IRF9: variants seen among roughly 807,000 people sequenced by gnomAD.
The protein encoded by IRF9 is interferon regulatory factor 9.
A neutral mutation model predicts 44.1 loss-of-function variants in IRF9; 13 were observed. The ratio of observed to expected loss-of-function variants is 0.29; its 90% CI spans 0.19 to 0.47. The LOEUF is 0.47. IRF9 is among the 20% of genes least tolerant of loss of function. The pLI is 1.00. For synonymous variants in IRF9, 189 were observed against 188.5 expected, an observed-to-expected ratio of 1.00 and a Z score of -0.02; for missense variants, 373 against 496.1, an observed-to-expected ratio of 0.75 and a Z score of 2.36.
chr14:24,164,697 G>C lies in IRF9; in HGVS notation c.733G>C (p.Ala245Pro). The C allele has an allele frequency of 1.2e-6, 2 of 1,613,552 alleles. No homozygotes were observed. The highest frequency in any genetic ancestry group is 1.7e-6 in the Non-Finnish European group (2 of 1,179,804). ...GCAAAGCCTGGATTGCCGCCTTGTG[G>C]CTGAGCCCTCAGGCTCTGAGAGCAG... ...QVQSLDCRLV[A>P]EPSGSESSME... Residue 245 changes from alanine to proline, a missense_variant, in exon 7 of 9, where the codon GCT becomes CCT. Coordinates refer to ENST00000396864, the MANE Select transcript of IRF9 (RefSeq NM_006084.5). This position sits in a 1 kb window ranked among gnomAD's most constrained non-coding sequence, Gnocchi z 5.2.
intron 4 of IRF9, 110 bp downstream of exon 4, chr14:24,163,618 C>T (rs1037605698): frequency 2.3e-5 from 30 of 1,325,710 alleles, no homozygotes; most frequent in African/African-American, 2.2e-4. Flanking sequence ...TGGCAGATCA[C>T]GTGAGGTCAG....
rs2038515031 is a variant in IRF9, at chr14:24,165,835, T to G, written c.992-12T>G. ...TTTTTGTTCTTCGAACCCTTGACCC[T>G]TTCTCTTTCAGACTTGGTCAGGTAC... On this transcript the variant is annotated splice_polypyrimidine_tract_variant and intron_variant, in intron 7 of 8. Coordinates refer to ENST00000396864, the MANE Select transcript of IRF9 (RefSeq NM_006084.5). 2 of 1,597,992 alleles carry G rather than the reference T, an allele frequency of 1.3e-6. No homozygotes were observed. The highest frequency in any genetic ancestry group is 2.7e-5 in the African/African-American group (2 of 74,612).
chr14:24,165,825 C>A (rs758520615), intron 7 of IRF9, 22 bp from the exon 8 acceptor site: 21 of 1,568,122 alleles, frequency 1.3e-5, no homozygotes, highest in Non-Finnish European at 1.8e-5. Context: ...GTTCTTCGAA[C>A]CCTTGACCCT....
rs566718395 is a variant in IRF9, at chr14:24,166,464, C to T, written c.*268C>T. 1.9e-6 allele frequency: 1 copy of T among 522,958 alleles called. No individual in the cohort carries two copies. Among genetic ancestry groups the T allele is most frequent in the South Asian group, 3.0e-5 (1 of 33,482 alleles). 32.4% of individuals were successfully genotyped at this position (522,958 alleles called of 1,614,324 possible). ...TCCAAATGGTGTGAACCCAGGGGGC[C>T]TTTCCCTCTTCCCTGACCTCCCAAC... On this transcript the variant is annotated 3_prime_UTR_variant, in exon 9 of 9. Coordinates refer to ENST00000396864, the MANE Select transcript of IRF9 (RefSeq NM_006084.5).
chr14:24,162,027 AGATG>A, intron 1 of IRF9, 113 bp from the exon 2 acceptor site: 1 of 932,124 alleles, frequency 1.1e-6, no homozygotes, highest in Non-Finnish European at 1.7e-6. Flanking sequence ...AGCTAAAAGA[AGATG>A]GATGGGATCT....
chr14:24,166,476 C>T lies in IRF9; in HGVS notation c.*280C>T. The stretch of plus-strand genomic sequence containing the variant: ...GAACCCAGGGGGCCTTTCCCTCTTC[C>T]CTGACCTCCCAACTCTAAAGCCAAG... On this transcript the variant is annotated 3_prime_UTR_variant, in exon 9 of 9. Coordinates refer to ENST00000396864, the MANE Select transcript of IRF9 (RefSeq NM_006084.5). The T allele has an allele frequency of 1.9e-6, 1 of 513,102 alleles. No individual in the cohort carries two copies. 31.8% of individuals were successfully genotyped at this position (513,102 alleles called of 1,614,324 possible). A position where few individuals can be genotyped will look rare whatever the true frequency, so the allele number is the denominator to read the frequency against.
chr14:24,163,215 G>A (rs2038481900), intron 3 of IRF9, 66 bp downstream of exon 3: 20 of 1,576,776 alleles, frequency 1.3e-5, no homozygotes, highest in Non-Finnish European at 1.7e-5. Flanking sequence ...AGATGTGCAG[G>A]CTTCCCCCAG....
At chr14:24,161,725 C>T (rs2038459031) in intron 1 of IRF9, among the ~76,000 whole-genome samples, 4 of 152,080 alleles carry the variant, frequency 2.6e-5, no homozygotes, top group Admixed American at 2.0e-4. Flanking sequence ...GGCTGTGGGG[C>T]GGTGGGTGAA....
At chr14:24,165,234 A>G (rs767909379) in intron 7 of IRF9, 2 of 701,812 alleles carry the variant, frequency 2.8e-6, no homozygotes, top group Non-Finnish European at 5.2e-6. Context: ...ATCACACTGA[A>G]GCATGCAGTC....
Position 24,166,205 on chromosome 14 carries a change from G to T in IRF9, c.*9G>T, listed in dbSNP as rs1311338916. 1.2e-6 allele frequency: 2 copies of T among 1,612,722 alleles called. No individual in the cohort carries two copies. The highest frequency in any genetic ancestry group is 2.7e-5 in the African/African-American group (2 of 74,890). ...TTCTGTCCCTGGTGTAGAGCCTGGG[G>T]GACCCATCTTCCACCTCACCTCTTT... On this transcript the variant is annotated 3_prime_UTR_variant, in exon 9 of 9. Coordinates refer to ENST00000396864, the MANE Select transcript of IRF9 (RefSeq NM_006084.5).
intron 7 of IRF9, chr14:24,165,326 C>T: frequency 1.5e-6 from 1 of 649,308 alleles, no homozygotes; most frequent in Non-Finnish European, 2.8e-6. Flanking sequence ...TTTGGGAGAG[C>T]TGGCACACAT....
chr14:24,163,839 A>G (rs1335446191), intron 4 of IRF9, 39 bp from the exon 5 acceptor site: 1 of 1,569,114 alleles, frequency 6.4e-7, no homozygotes, highest in Non-Finnish European at 8.6e-7. Flanking sequence ...CTCTGTCTCA[A>G]AAAAAGAGAA....
chr14:24,162,428 G>C lies in IRF9; in HGVS notation c.180+104G>C, dbSNP rs972879520. ...GCGTCTGCCTGGGTTTCAGATAAGG[G>C]ACAGATTGGAGAGGAAAACTAGCTG... On this transcript the variant is annotated intron_variant, in intron 2 of 8. Transcript: ENST00000396864. 6 of 1,143,628 alleles carry C rather than the reference G, an allele frequency of 5.2e-6. No individual in the cohort carries two copies. The South Asian group carries it at 7.5e-5, about 14-fold the overall frequency. The allele number at this position is 1,143,628 out of a possible 1,614,324, so 70.8% of individuals were successfully genotyped here. A position where few individuals can be genotyped will look rare whatever the true frequency, so the allele number is the denominator to read the frequency against.
Position 24,164,894 on chromosome 14 carries a change from C to T in IRF9, c.930C>T (p.Gly310=). ...CACCCCAGGCTCCACCTGGGCCAGG[C>T]CCGCATCTGCTGCCCAGCAACGAGT... ...WNAPQAPPGP[G]PHLLPSNECV... Residue 310 remains glycine (G), a synonymous_variant, in exon 7 of 9, where the codon GGC becomes GGT. Coordinates refer to ENST00000396864, the MANE Select transcript of IRF9 (RefSeq NM_006084.5). The surrounding 1 kb of genome is among the most constrained non-coding windows in gnomAD (Gnocchi z 5.2). 3 of 1,612,566 alleles carry T rather than the reference C, an allele frequency of 1.9e-6. No individual in the cohort carries two copies. The highest frequency in any genetic ancestry group is 2.5e-6 in the Non-Finnish European group (3 of 1,179,944).
At chr14:24,165,534 A>G in intron 7 of IRF9, 1 of 524,106 alleles carries the variant, frequency 1.9e-6, no homozygotes, top group Non-Finnish European at 3.4e-6. Context: ...GTGAGCAAGT[A>G]GCAAAGGTCT....
chr14:24,163,643 C>A, intron 4 of IRF9, 135 bp downstream of exon 4: 1 of 1,056,502 alleles, frequency 9.5e-7, no homozygotes, highest in Non-Finnish European at 1.4e-6. Context: ...TCGAAACCAG[C>A]CTCGACCAAC....
rs919530091 is a variant in IRF9, at chr14:24,162,405, G to A, written c.180+81G>A. ...GGTACACTCATCCTCGAGCACTTGC[G>A]TCTGCCTGGGTTTCAGATAAGGGAC... is the stretch of plus-strand genomic sequence containing the variant. On this transcript the variant is annotated intron_variant, in intron 2 of 8. Transcript: ENST00000396864. 2.5e-5 allele frequency: 34 copies of A among 1,363,482 alleles called. No individual in the cohort carries two copies. In the East Asian group the frequency reaches 6.6e-4, roughly 26 times the overall value. The allele number at this position is 1,363,482 out of a possible 1,614,324, so 84.5% of individuals were successfully genotyped here.
At chr14:24,163,667 G>A (rs956093140) in intron 4 of IRF9, 159 bp downstream of exon 4, 5 of 925,776 alleles carry the variant, frequency 5.4e-6, no homozygotes, top group East Asian at 2.6e-5. Context: ...GTGAGAACCC[G>A]TCTCTACTAA....
At position 24,166,391 on chromosome 14, in the gene IRF9, T is replaced by A; in HGVS notation, c.*195T>A. 1.6e-6 allele frequency: 1 copy of A among 607,366 alleles called. No homozygotes were observed. Among genetic ancestry groups the A allele is most frequent in the Non-Finnish European group, 2.9e-6 (1 of 344,412 alleles). 37.6% of individuals were successfully genotyped at this position (607,366 alleles called of 1,614,324 possible). ...GCTAATTTTTTATCCTTTTTTTTTT[T>A]TAATTTTGAGATATACGCCCTCTTT... On this transcript the variant is annotated 3_prime_UTR_variant, in exon 9 of 9. Coordinates refer to ENST00000396864, the MANE Select transcript of IRF9 (RefSeq NM_006084.5).
Sources: allele counts gnomAD v4.1 joint callset (sites outside exome capture counted in the v4.1 genomes callset), GRCh38; gene constraint gnomAD v4.1.1; non-coding constraint Gnocchi (gnomAD v3.1); transcripts MANE v1.5; gene names NCBI Gene and HGNC (gene_info 2026-07-23, HGNC 2026-07-21).